The following C5orf15 variants were observed in gnomAD, a reference collection of about 807,000 sequenced individuals.
The protein encoded by C5orf15 is keratinocyte-associated transmembrane protein 2.
Under a neutral mutation model 17.8 loss-of-function variants are expected in C5orf15, and 10 were observed. That is an observed-to-expected ratio of 0.56 (90% CI 0.35 to 0.95). The LOEUF (loss-of-function observed/expected upper bound fraction) is 0.95, where lower values mean the gene tolerates loss of function less well. C5orf15 is among the 40% of genes least tolerant of loss of function. The pLI, the probability that C5orf15 is intolerant of heterozygous loss-of-function variation, is 0.02. For missense variants in C5orf15, 319 were observed against 331.7 expected (o/e 0.96, Z 0.30); for synonymous variants, 124 against 131.0 (o/e 0.95, Z 0.36).
At chr5:133,961,377 C>G (rs940361034) in intron 1 of C5orf15, among the ~76,000 whole-genome samples, 1 of 151,204 alleles carries the variant, frequency 6.6e-6, no homozygotes, top group African/African-American at 2.4e-5. Flanking sequence ...AACCCGGTCT[C>G]TACTAAAAAA....
intron 1 of C5orf15, among the ~76,000 whole-genome samples, chr5:133,967,864 G>A (rs1247582482): frequency 3.3e-5 from 5 of 151,988 alleles, no homozygotes; most frequent in African/African-American, 1.2e-4. Context: ...TTTCCCTCTC[G>A]GAAATATTCC....
At chr5:133,958,525 C>T (rs1206872693) in intron 2 of C5orf15, among the ~76,000 whole-genome samples, 1 of 132,678 alleles carries the variant, frequency 7.5e-6, no homozygotes, top group Non-Finnish European at 1.5e-5. Flanking sequence ...TGCAGTGAGC[C>T]GAGATCGCAC....
intron 1 of C5orf15, among the ~76,000 whole-genome samples, chr5:133,967,225 C>G (rs1251118428): frequency 1.3e-5 from 2 of 152,168 alleles, no homozygotes; most frequent in African/African-American, 4.8e-5. Flanking sequence ...GATAAAAGGG[C>G]CTTAGGAAAT....
At position 133,968,568 on chromosome 5, in the gene C5orf15, G is replaced by T. The variant is rs756098993; in HGVS notation, c.17C>A (p.Pro6Gln). Residue 6 changes from proline (P) to glutamine (Q), a missense_variant, in exon 1 of 3, where the codon CCG becomes CAG. Pro to Gln is a moderately conservative substitution (Grantham distance 76). This residue lies in a region of C5orf15 where 127 missense variants were observed against 95.6 expected (regional missense o/e 1.33). Transcript: ENST00000231512. MAAAV[P>Q]KRMRGPAQAK... ...TTGTGCTGGCCCCCTCATCCTCTTC[G>T]GGACGGCAGCGGCCATAACGGACTC... The T allele has an allele frequency of 9.9e-6, 16 of 1,609,424 alleles. 1 individual carries two copies. The Admixed American group carries it at 2.3e-4, about 24-fold the overall frequency.
intron 1 of C5orf15, among the ~76,000 whole-genome samples, chr5:133,961,970 C>A (rs1752130844): frequency 6.6e-6 from 1 of 152,108 alleles, no homozygotes; most frequent in Admixed American, 6.5e-5. Context: ...CAACTCAGTA[C>A]ATTACTCAGA....
chr5:133,960,045 C>T, intron 1 of C5orf15, 25 bp from the exon 2 acceptor site: 1 of 1,553,208 alleles, frequency 6.4e-7, no homozygotes, highest in Non-Finnish European at 8.7e-7. Context: ...GAATATCAAA[C>T]TGAAATCTCC....
rs555656693 is a variant in C5orf15 at position 133,965,923 on chromosome 5, TCAAA to T, written c.139+2519_139+2522del. On this transcript the variant is annotated intron_variant, in intron 1 of 2. Coordinates refer to ENST00000231512, the MANE Select transcript of C5orf15 (RefSeq NM_020199.3). ...CTGGGCGACAGAGCAAAACCCTGTC[TCAAA>T]CAAACAAACAAAAAAGGCTGGGCAC... Among the ~76,000 whole-genome samples the T allele has an allele frequency of 1.9e-3, 285 of 147,558 alleles. 3 individuals are homozygous for T. Among genetic ancestry groups the T allele is most frequent in the African/African-American group, 6.7e-3 (267 of 39,696 alleles).
At chr5:133,961,232 T>TTAAAAAA (rs1450707193) in intron 1 of C5orf15, among the ~76,000 whole-genome samples, 1 of 30,440 alleles carries the variant, frequency 3.3e-5, no homozygotes, top group Non-Finnish European at 5.7e-5. Flanking sequence ...AGTCAGTTAG[T>TTAAAAAA]AAAAAAAAAA....
intron 1 of C5orf15, among the ~76,000 whole-genome samples, chr5:133,965,566 A>G (rs995493104): frequency 2.6e-5 from 4 of 152,226 alleles, no homozygotes; most frequent in African/African-American, 9.6e-5. Flanking sequence ...GAGCATATAA[A>G]TAAGACTTCT....
intron 1 of C5orf15, among the ~76,000 whole-genome samples, chr5:133,962,464 C>T (rs922634857): frequency 6.6e-6 from 1 of 152,190 alleles, no homozygotes; most frequent in Admixed American, 6.5e-5. Context: ...CGTTCTTCTC[C>T]CTAAATGCCT....
intron 2 of C5orf15, 66 bp downstream of exon 2, chr5:133,959,428 A>AAAC: frequency 1.6e-6 from 1 of 612,444 alleles, no homozygotes; most frequent in Non-Finnish European, 2.4e-6. Flanking sequence ...AAAAAAAAAA[A>AAAC]GAACCATGAA....
chr5:133,962,647 G>A (rs1752141398), intron 1 of C5orf15, among the ~76,000 whole-genome samples: 1 of 152,008 alleles, frequency 6.6e-6, no homozygotes, highest in African/African-American at 2.4e-5. Context: ...CTCTTCTCAT[G>A]AGCTAGCCCT....
intron 2 of C5orf15, among the ~76,000 whole-genome samples, chr5:133,958,920 C>T (rs1752077647): frequency 6.6e-6 from 1 of 151,996 alleles, no homozygotes; most frequent in Admixed American, 6.5e-5. Context: ...AATCACTGGG[C>T]TTTGGTATTA....
chr5:133,959,026 G>A (rs1752079575), intron 2 of C5orf15, among the ~76,000 whole-genome samples: 1 of 151,974 alleles, frequency 6.6e-6, no homozygotes, highest in South Asian at 2.1e-4. Context: ...TTTACATGCT[G>A]ATTAGACATC....
intron 1 of C5orf15, among the ~76,000 whole-genome samples, chr5:133,966,574 G>A (rs545594109): frequency 6.6e-6 from 1 of 152,176 alleles, no homozygotes; most frequent in Non-Finnish European, 1.5e-5. Context: ...ATATAACCAA[G>A]CATTGACAGT....
rs574403102 is a variant in C5orf15 at position 133,956,464 on chromosome 5, A to G, written c.*395T>C. The G allele has an allele frequency of 6.4e-6, 1 of 156,656 alleles. No individual in the cohort carries two copies. The highest frequency in any genetic ancestry group is 1.9e-4 in the East Asian group (1 of 5,222). 9.7% of individuals were successfully genotyped at this position (156,656 alleles called of 1,614,324 possible). A position where few individuals can be genotyped will look rare whatever the true frequency, so the allele number is the denominator to read the frequency against. ...TGTACATTACAGTTTGGGAACAAAA[A>G]AAAATGTGGATAAAAAATAGTATTT... On this transcript the variant is annotated 3_prime_UTR_variant, in exon 3 of 3. Transcript: ENST00000231512.
rs1479456665 is a variant in C5orf15 at position 133,968,618 on chromosome 5, G to C, written c.-34C>G. On this transcript the variant is annotated 5_prime_UTR_variant, in exon 1 of 3. Coordinates refer to ENST00000231512, the MANE Select transcript of C5orf15 (RefSeq NM_020199.3). ...CGGCTGGGAGCCTGCGCTGTTGCTA[G>C]GCTCTACGCCATGAGGTCAGACGCC... is the stretch of plus-strand genomic sequence containing the variant. 2 of 1,580,712 alleles carry C rather than the reference G, an allele frequency of 1.3e-6. No individual in the cohort carries two copies. The highest frequency in any genetic ancestry group is 1.2e-5 in the South Asian group (1 of 86,954).
intron 1 of C5orf15, among the ~76,000 whole-genome samples, chr5:133,964,698 C>A (rs1752170122): frequency 6.6e-6 from 1 of 152,172 alleles, no homozygotes; most frequent in African/African-American, 2.4e-5. Flanking sequence ...TAGTCTCCAT[C>A]TCAATTAATG....
At chr5:133,958,251 T>C (rs988585543) in intron 2 of C5orf15, among the ~76,000 whole-genome samples, 3 of 151,770 alleles carry the variant, frequency 2.0e-5, no homozygotes, top group African/African-American at 7.3e-5. Context: ...ATTAAGGATA[T>C]GGAAAATGCT....
Sources: allele counts gnomAD v4.1 joint callset (sites outside exome capture counted in the v4.1 genomes callset), GRCh38; gene constraint gnomAD v4.1.1; regional missense constraint gnomAD v4.1.1; transcripts MANE v1.5; gene names NCBI Gene and HGNC (gene_info 2026-07-23, HGNC 2026-07-21).